The following RABGAP1 variants were observed in gnomAD, a reference collection of about 807,000 sequenced individuals.
RABGAP1 encodes the protein RAB GTPase activating protein 1.
In RABGAP1, 23 loss-of-function variants were observed where a neutral mutation model predicts 137.6. That is an observed-to-expected ratio of 0.17 (90% CI 0.12 to 0.24). The LOEUF (loss-of-function observed/expected upper bound fraction) is 0.24. RABGAP1 is among the 10% of genes least tolerant of loss of function. The probability of loss-of-function intolerance (pLI) is 1.00; values close to 1 mark genes in which losing one functional copy is unlikely to be tolerated. For synonymous variants in RABGAP1, 451 were observed against 450.7 expected, an observed-to-expected ratio of 1.00 and a Z score of -0.01; for missense variants, 906 against 1,275.8, an observed-to-expected ratio of 0.71 and a Z score of 4.42.
At chr9:123,026,692 A>G (rs1471765870) in intron 13 of RABGAP1, among the ~76,000 whole-genome samples, 1 of 152,180 alleles carries the variant, frequency 6.6e-6, no homozygotes. Context: ...TGTAATTCTT[A>G]CAGCTGTTTG....
At chr9:123,044,128 C>T (rs1452760814) in intron 13 of RABGAP1, among the ~76,000 whole-genome samples, 1 of 152,018 alleles carries the variant, frequency 6.6e-6, no homozygotes, top group Non-Finnish European at 1.5e-5. Flanking sequence ...TGGTCTCGAT[C>T]TTCTGACCTC....
rs754019812 is a variant in RABGAP1, at chr9:123,079,247, T to TG, written c.2424+2485_2424+2486insG. 5.0e-4 allele frequency among the ~76,000 whole-genome samples: 75 copies of TG among 149,146 alleles called. 1 individual carries two copies. In the South Asian group the frequency reaches 9.9e-3, roughly 20 times the overall value. Reference sequence around the variant, plus strand: ...TTTTTTTGTTTTGTTTTGTTTTTTTTTTTTTTTTTTGAGACAGGGTCTCGC... The same window carrying TG: ...TTTTTTTGTTTTGTTTTGTTTTTTTTGTTTTTTTTTTGAGACAGGGTCTCGC... On this transcript the variant is annotated intron_variant, in intron 19 of 25. Transcript: ENST00000373647.
intron 10 of RABGAP1, among the ~76,000 whole-genome samples, chr9:123,006,497 TATC>T (rs1359006263): frequency 2.6e-5 from 4 of 152,350 alleles, no homozygotes; most frequent in African/African-American, 7.2e-5. Flanking sequence ...ATGCTACACT[TATC>T]ATATATGAAA....
chr9:123,027,991 T>C (rs1285006276), intron 13 of RABGAP1, among the ~76,000 whole-genome samples: 1 of 152,248 alleles, frequency 6.6e-6, no homozygotes, highest in Non-Finnish European at 1.5e-5. Context: ...GTTATTTTCC[T>C]TTGTGTGAGT....
chr9:123,043,483 A>G (rs1274996273), intron 13 of RABGAP1, among the ~76,000 whole-genome samples: 4 of 152,210 alleles, frequency 2.6e-5, no homozygotes, highest in African/African-American at 7.2e-5. Flanking sequence ...AAGATAGGCA[A>G]TTAATAACTT....
intron 3 of RABGAP1, among the ~76,000 whole-genome samples, chr9:122,985,598 C>T (rs915742849): frequency 5.1e-5 from 6 of 117,274 alleles, no homozygotes; most frequent in Admixed American, 1.2e-4. Context: ...GGCGACAGAG[C>T]GAGACTCCGT....
At chr9:122,964,449 A>G (rs1835022673) in intron 2 of RABGAP1, among the ~76,000 whole-genome samples, 1 of 152,226 alleles carries the variant, frequency 6.6e-6, no homozygotes, top group African/African-American at 2.4e-5. Context: ...GTATCTATAG[A>G]ATAAAAAGCA....
At chr9:123,064,231 G>C (rs1446612320) in intron 13 of RABGAP1, among the ~76,000 whole-genome samples, 1 of 152,144 alleles carries the variant, frequency 6.6e-6, no homozygotes, top group Non-Finnish European at 1.5e-5. Flanking sequence ...TTTTGTTGAA[G>C]AGCACCACAG....
chr9:123,009,479 T>C lies in RABGAP1; in HGVS notation c.1375-875T>C, dbSNP rs138759663. On this transcript the variant is annotated intron_variant, in intron 10 of 25. Transcript: ENST00000373647. ...TTGGTATGTGTGTATATATATATTT[T>C]TGTATAGCCACCTTTCTAGTTTTCT... Among the ~76,000 whole-genome samples, 14 of 152,336 alleles carry C rather than the reference T, an allele frequency of 9.2e-5. No homozygotes were observed. In the East Asian group the frequency reaches 2.7e-3, roughly 29 times the overall value.
At chr9:122,958,850 G>C (rs1260310627) in intron 2 of RABGAP1, among the ~76,000 whole-genome samples, 1 of 151,890 alleles carries the variant, frequency 6.6e-6, no homozygotes, top group Non-Finnish European at 1.5e-5. Flanking sequence ...TTCTACAAAA[G>C]TCTAAAAAAT....
intron 10 of RABGAP1, among the ~76,000 whole-genome samples, chr9:123,002,198 G>T (rs1208968960): frequency 6.6e-6 from 1 of 151,860 alleles, no homozygotes; most frequent in East Asian, 1.9e-4. Context: ...CTACTTGGGA[G>T]GCTGAAACAG....
intron 19 of RABGAP1, among the ~76,000 whole-genome samples, chr9:123,080,237 G>A (rs1333369469): frequency 6.6e-6 from 1 of 152,124 alleles, no homozygotes; most frequent in East Asian, 1.9e-4. Flanking sequence ...GCTGCCTTCA[G>A]TGTGTCTGCA....
At chr9:123,094,914 T>G (rs2035134614) in intron 21 of RABGAP1, among the ~76,000 whole-genome samples, 1 of 152,180 alleles carries the variant, frequency 6.6e-6, no homozygotes, top group African/African-American at 2.4e-5. Flanking sequence ...TATAAGGTTG[T>G]TTGTATTCTT....
intron 3 of RABGAP1, among the ~76,000 whole-genome samples, chr9:122,985,415 C>A (rs2099894330): frequency 6.6e-6 from 1 of 152,056 alleles, no homozygotes; most frequent in South Asian, 2.1e-4. Context: ...GAGATCGAGA[C>A]CATCTGGCCA....
rs978770344 is a variant in RABGAP1, at chr9:122,957,303, A to G, written c.150+94A>G. 8.4e-6 allele frequency: 8 copies of G among 955,334 alleles called. No individual in the cohort carries two copies. The Admixed American group carries it at 2.7e-4, about 33-fold the overall frequency. 59.2% of individuals were successfully genotyped at this position (955,334 alleles called of 1,614,324 possible). ...AGAAAACAGATATGGGAGGAAAGTG[A>G]GAACATGGAAGTAATATACTTCTTT... On this transcript the variant is annotated intron_variant, in intron 2 of 25. Coordinates refer to ENST00000373647, the MANE Select transcript of RABGAP1 (RefSeq NM_012197.4).
chr9:122,936,909 AC>A (rs1320684297), upstream of RABGAP1, among the ~76,000 whole-genome samples: 1 of 152,198 alleles, frequency 6.6e-6, no homozygotes, highest in African/African-American at 2.4e-5. Context: ...TTAAGCTTTC[AC>A]CCGAGGCTGA....
At chr9:123,088,745 TGAA>T (rs2034946950) in intron 19 of RABGAP1, among the ~76,000 whole-genome samples, 1 of 152,138 alleles carries the variant, frequency 6.6e-6, no homozygotes, top group African/African-American at 2.4e-5. Context: ...TAGTTTAGCT[TGAA>T]GAAGGAGACA....
At chr9:122,948,791 A>G (rs1220786952) in intron 1 of RABGAP1, among the ~76,000 whole-genome samples, 1 of 152,168 alleles carries the variant, frequency 6.6e-6, no homozygotes, top group Non-Finnish European at 1.5e-5. Flanking sequence ...GTCTTCATCC[A>G]TGTCCACATC....
chr9:123,027,539 TTAAC>T (rs1254282614), intron 13 of RABGAP1, among the ~76,000 whole-genome samples: 3 of 152,262 alleles, frequency 2.0e-5, no homozygotes, highest in Non-Finnish European at 4.4e-5. Context: ...TGCTTTTTAA[TTAAC>T]AACTTCTGTC....
Sources: gnomAD v4.1 joint callset for allele counts (sites outside exome capture counted in the v4.1 genomes callset) on GRCh38, gnomAD v4.1.1 for gene constraint, MANE v1.5 for transcripts, NCBI Gene and HGNC (gene_info 2026-07-23, HGNC 2026-07-21) for gene names.